The following CASD1 variants were observed in gnomAD, a reference collection of about 807,000 sequenced individuals.
CASD1 encodes N-acetylneuraminate (7)9-O-acetyltransferase.
Under a neutral mutation model 100.0 loss-of-function variants are expected in CASD1, and 41 were observed. The observed-to-expected ratio is 0.41, with a 90% CI of 0.32 to 0.53. CASD1 has a LOEUF of 0.53. CASD1 is among the 20% of genes least tolerant of loss of function. The pLI is 0.25. For synonymous variants in CASD1, 321 were observed against 315.6 expected, an observed-to-expected ratio of 1.02 and a Z score of -0.18; for missense variants, 774 against 948.7, an observed-to-expected ratio of 0.82 and a Z score of 2.42.
chr7:94,588,751 T>C, the CASD1 span: 1 of 1,613,528 alleles, frequency 6.2e-7, no homozygotes, highest in Non-Finnish European at 8.5e-7. Flanking sequence ...GATGAACATT[T>C]TTGAGTAAAA....
Position 94,509,936 on chromosome 7 carries a change from G to T in CASD1, c.-149G>T, listed in dbSNP as rs1184051808. On this transcript the variant is annotated 5_prime_UTR_variant, in exon 1 of 18. Coordinates refer to ENST00000297273, the MANE Select transcript of CASD1 (RefSeq NM_022900.5). Reference sequence around the variant, plus strand: ...GAGGTCGGGGGCGCCGCGGCCGCGGGGTCAGGTTCCCCGGCGGGAGGCGCA... The same window carrying T: ...GAGGTCGGGGGCGCCGCGGCCGCGGTGTCAGGTTCCCCGGCGGGAGGCGCA... 6.8e-6 allele frequency: 8 copies of T among 1,173,742 alleles called. No homozygotes were observed. The allele number at this position is 1,173,742 out of a possible 1,614,324, so 72.7% of individuals were successfully genotyped here.
chr7:94,547,311 C>CT lies in CASD1; in HGVS notation c.1713+137dup, dbSNP rs201262727. ...CTGTAATAAAAGTGTCACTCTGAAG[C>CT]TGAGTACTCAGTGTAGTTATTTTGA... On this transcript the variant is annotated intron_variant, in intron 13 of 17. Transcript: ENST00000297273. 4.1e-3 allele frequency: 2,249 copies of CT among 554,846 alleles called. 40 individuals are homozygous for CT. Among genetic ancestry groups the CT allele is most frequent in the African/African-American group, 0.039 (2,045 of 52,080 alleles). 34.4% of individuals were successfully genotyped at this position (554,846 alleles called of 1,614,324 possible). A position where few individuals can be genotyped will look rare whatever the true frequency, so the allele number is the denominator to read the frequency against.
the CASD1 span, among the ~76,000 whole-genome samples, chr7:94,586,235 A>C: frequency 5.3e-5 from 8 of 152,258 alleles, no homozygotes; most frequent in Admixed American, 5.2e-4. Context: ...GGTACTTGGA[A>C]AACTCCAGTT....
chr7:94,552,306 CCAGA>C, intron 15 of CASD1, 40 bp from the exon 16 acceptor site: 1 of 1,388,180 alleles, frequency 7.2e-7, no homozygotes, highest in Non-Finnish European at 1.0e-6. Flanking sequence ...TATGCCTCTT[CCAGA>C]CTTGCTTTTT....
At chr7:94,613,223 T>C in the CASD1 span, among the ~76,000 whole-genome samples, 1 of 152,250 alleles carries the variant, frequency 6.6e-6, no homozygotes, top group Non-Finnish European at 1.5e-5. Context: ...GTAGAATCAC[T>C]AAGTTTGAAC....
Position 94,533,714 on chromosome 7 carries a change from G to T in CASD1, c.540G>T (p.Ala180=). The T allele has an allele frequency of 5.6e-6, 9 of 1,604,612 alleles. No individual in the cohort carries two copies. The highest frequency in any genetic ancestry group is 5.6e-5 in the South Asian group (5 of 89,742). ...AGATTCACAATGGTAGCAGTGAAGC[G>T]CTTTCTCAATATAAAATGAACATCA... The part of the protein sequence containing the change: ...SIKIHNGSSE[A]LSQYKMNITS... Residue 180 remains alanine (A), a synonymous_variant, in exon 7 of 18, where the codon GCG becomes GCT. Coordinates refer to ENST00000297273, the MANE Select transcript of CASD1 (RefSeq NM_022900.5).
At chr7:94,545,359 A>C (rs907142431) in intron 11 of CASD1, among the ~76,000 whole-genome samples, 186 bp from the exon 12 acceptor site, 2 of 152,074 alleles carry the variant, frequency 1.3e-5, no homozygotes, top group Non-Finnish European at 2.9e-5. Context: ...CATATTTTAT[A>C]TTCAGCTCTT....
intron 1 of CASD1, among the ~76,000 whole-genome samples, chr7:94,510,540 G>C (rs1793645763): frequency 6.6e-6 from 1 of 152,188 alleles, no homozygotes; most frequent in Non-Finnish European, 1.5e-5. Context: ...TCGGGGAGAC[G>C]CTCCAGATCA....
intron 1 of CASD1, among the ~76,000 whole-genome samples, chr7:94,516,446 C>T (rs541870504): frequency 6.6e-6 from 1 of 152,252 alleles, no homozygotes; most frequent in African/African-American, 2.4e-5. Context: ...CTTATCTCTA[C>T]CCTGAAATGC....
chr7:94,530,231 G>A (rs1794780460), intron 5 of CASD1, among the ~76,000 whole-genome samples: 2 of 152,264 alleles, frequency 1.3e-5, no homozygotes, highest in Non-Finnish European at 1.5e-5. Context: ...TGTGGGGAAC[G>A]AGAAGTGGGG....
At chr7:94,599,514 C>A in the CASD1 span, 1 of 595,728 alleles carries the variant, frequency 1.7e-6, no homozygotes, top group South Asian at 2.2e-5. Context: ...TTTTCAAACC[C>A]TTTTTAGTTT....
intron 3 of CASD1, 47 bp from the exon 4 acceptor site, chr7:94,527,115 T>C (rs1449779641): frequency 7.0e-7 from 1 of 1,432,344 alleles, no homozygotes; most frequent in Non-Finnish European, 9.7e-7. Flanking sequence ...ATTTTTTATA[T>C]AAATTTAATC....
chr7:94,604,012 G>A, the CASD1 span, among the ~76,000 whole-genome samples: 1 of 151,994 alleles, frequency 6.6e-6, no homozygotes, highest in East Asian at 1.9e-4. Flanking sequence ...CTCATTAGAA[G>A]GCCTTGCAAT....
At chr7:94,537,939 A>G in intron 9 of CASD1, 45 bp downstream of exon 9, 1 of 1,039,806 alleles carries the variant, frequency 9.6e-7, no homozygotes, top group South Asian at 1.5e-5. Flanking sequence ...TTCTTGTCTC[A>G]TTACATACTC....
At chr7:94,533,892 G>C (rs929064503) in intron 7 of CASD1, 90 bp downstream of exon 7, 18 of 1,164,510 alleles carry the variant, frequency 1.5e-5, no homozygotes, top group Non-Finnish European at 2.0e-5. Context: ...CAGAATTACT[G>C]CTTTATGAGA....
the CASD1 span, among the ~76,000 whole-genome samples, chr7:94,563,483 T>C: frequency 6.6e-6 from 1 of 152,152 alleles, no homozygotes; most frequent in Non-Finnish European, 1.5e-5. Context: ...TTTATCCTTG[T>C]GCAACTTAAG....
chr7:94,594,896 A>G, the CASD1 span, among the ~76,000 whole-genome samples: 2 of 152,154 alleles, frequency 1.3e-5, 1 homozygote, highest in South Asian at 4.1e-4. Flanking sequence ...ACACAGTACA[A>G]AATGAAACAC....
At chr7:94,610,229 T>C in the CASD1 span, among the ~76,000 whole-genome samples, 1 of 152,132 alleles carries the variant, frequency 6.6e-6, no homozygotes, top group African/African-American at 2.4e-5. Context: ...AGGTGGGACA[T>C]AGATGACTTT....
At chr7:94,630,895 G>A in the CASD1 span, among the ~76,000 whole-genome samples, 2 of 151,900 alleles carry the variant, frequency 1.3e-5, no homozygotes, top group Admixed American at 1.3e-4. Context: ...CAAGATCACT[G>A]AACTACATTT....
Sources: gnomAD v4.1 joint callset for allele counts (sites outside exome capture counted in the v4.1 genomes callset) on GRCh38, gnomAD v4.1.1 for gene constraint, MANE v1.5 for transcripts, NCBI Gene and HGNC (gene_info 2026-07-23, HGNC 2026-07-21) for gene names.